The following NMI variants were observed in gnomAD, a reference collection of about 807,000 sequenced individuals.
The protein encoded by NMI is N-myc-interactor.
Under a neutral mutation model 34.3 loss-of-function variants are expected in NMI, and 39 were observed. The observed-to-expected ratio is 1.14, with a 90% CI of 0.88 to 1.49. The LOEUF is 1.49. Among genes scored for constraint, NMI ranks in the 40% most tolerant of loss-of-function variants. NMI has a pLI of 0.00. For missense variants in NMI, 339 were observed against 358.1 expected (o/e 0.95, Z 0.43); for synonymous variants, 113 against 120.3 (o/e 0.94, Z 0.40).
chr2:151,284,185 G>C (rs13400172), intron 1 of NMI, among the ~76,000 whole-genome samples: 2 of 152,050 alleles, frequency 1.3e-5, no homozygotes, highest in Admixed American at 6.6e-5. Context: ...GTGAAACCCC[G>C]TCTCTACTAA....
intron 1 of NMI, among the ~76,000 whole-genome samples, chr2:151,285,108 C>A (rs1683471215): frequency 6.6e-6 from 1 of 152,044 alleles, no homozygotes; most frequent in Non-Finnish European, 1.5e-5. Flanking sequence ...AACACATGCA[C>A]AAACACATAC....
chr2:151,281,040 A>G (rs1410789177), intron 3 of NMI, among the ~76,000 whole-genome samples: 1 of 151,982 alleles, frequency 6.6e-6, no homozygotes, highest in Non-Finnish European at 1.5e-5. Context: ...GGGTTTCACC[A>G]TCTTAGCCAG....
At chr2:151,270,908 T>C in intron 7 of NMI, 33 bp from the exon 8 acceptor site, 1 of 1,518,172 alleles carries the variant, frequency 6.6e-7, no homozygotes, top group Non-Finnish European at 9.1e-7. Flanking sequence ...TAGAAAGATT[T>C]CTAAGAGCTT....
Position 151,275,482 on chromosome 2 carries a change from A to AC in NMI, c.634+1dup, listed in dbSNP as rs1474246641. ...CTGTTAACCTTCTACACCCTTGAGT[A>AC]CCTCCAATCTCCACAAACGTGATGA... On this transcript the variant is annotated splice_donor_variant, in intron 6 of 7. Transcript: ENST00000243346. LOFTEE classifies it high-confidence loss of function. 3 of 1,612,802 alleles carry AC rather than the reference A, an allele frequency of 1.9e-6. No homozygotes were observed. The highest frequency in any genetic ancestry group is 2.5e-6 in the Non-Finnish European group (3 of 1,179,504).
At chr2:151,275,696 A>T in intron 5 of NMI, 26 bp from the exon 6 acceptor site, 3 of 1,611,520 alleles carry the variant, frequency 1.9e-6, no homozygotes, top group Non-Finnish European at 2.5e-6. Context: ...ATGTTCAGAA[A>T]TATGGATGAG....
At position 151,270,660 on chromosome 2, in the gene NMI, T is replaced by A. The variant is rs972859078; in HGVS notation, c.*33A>T. ...GTCAAACATTTACAGTAATCCGGGT[T>A]AAAAAGCTATAGTTTTCATGATTCT... On this transcript the variant is annotated 3_prime_UTR_variant, in exon 8 of 8. Transcript: ENST00000243346. 6 of 1,535,092 alleles carry A rather than the reference T, an allele frequency of 3.9e-6. No individual in the cohort carries two copies. The highest frequency in any genetic ancestry group is 5.3e-6 in the Non-Finnish European group (6 of 1,129,898).
At chr2:151,281,856 G>C (rs1283559370) in intron 3 of NMI, 92 bp downstream of exon 3, 1 of 715,712 alleles carries the variant, frequency 1.4e-6, no homozygotes, top group African/African-American at 1.8e-5. Context: ...TGATGATAAG[G>C]TTTTAAAAAT....
chr2:151,285,108 C>T (rs1683471215), intron 1 of NMI, among the ~76,000 whole-genome samples: 1 of 152,044 alleles, frequency 6.6e-6, no homozygotes, highest in South Asian at 2.1e-4. Flanking sequence ...AACACATGCA[C>T]AAACACATAC....
At chr2:151,274,775 C>T (rs1267485117) in intron 6 of NMI, among the ~76,000 whole-genome samples, 1 of 151,446 alleles carries the variant, frequency 6.6e-6, no homozygotes, top group East Asian at 2.0e-4. Flanking sequence ...CGGGCCCGGC[C>T]GAAATGTCTC....
At chr2:151,277,805 T>C (rs1179773999) in intron 4 of NMI, 1 of 152,194 alleles carries the variant, frequency 6.6e-6, no homozygotes, top group African/African-American at 2.4e-5. Flanking sequence ...GGTTATAGAC[T>C]GTCAGAATAT....
intron 3 of NMI, among the ~76,000 whole-genome samples, chr2:151,281,415 A>G (rs992082636): frequency 6.6e-6 from 1 of 152,176 alleles, no homozygotes; most frequent in African/African-American, 2.4e-5. Flanking sequence ...GTTTTTGTAA[A>G]TTTATTAAAG....
intron 1 of NMI, among the ~76,000 whole-genome samples, chr2:151,284,308 T>G (rs1324525146): frequency 6.6e-6 from 1 of 152,162 alleles, no homozygotes; most frequent in Non-Finnish European, 1.5e-5. Context: ...GCATTTAATT[T>G]TTTTTTTAGA....
At position 151,271,623 on chromosome 2, in the gene NMI, T is replaced by C. The variant is rs757255688; in HGVS notation, c.741+3A>G. ...GAAAATGAGAGAACAGAGATGACTT[T>C]ACCTGATACTTTTTCAAGTGTATTT... On this transcript the variant is annotated splice_donor_region_variant and intron_variant, in intron 7 of 7. Coordinates refer to ENST00000243346, the MANE Select transcript of NMI (RefSeq NM_004688.3). 1.4e-6 allele frequency: 2 copies of C among 1,428,252 alleles called. No homozygotes were observed. Among genetic ancestry groups the C allele is most frequent in the Admixed American group, 1.7e-5 (1 of 58,336 alleles). The allele number at this position is 1,428,252 out of a possible 1,614,324, so 88.5% of individuals were successfully genotyped here.
intron 3 of NMI, among the ~76,000 whole-genome samples, chr2:151,280,628 A>G (rs1027295368): frequency 6.6e-6 from 1 of 152,202 alleles, no homozygotes; most frequent in Non-Finnish European, 1.5e-5. Flanking sequence ...CTCTGATCAC[A>G]GGTTTGGTCC....
Position 151,287,510 on chromosome 2 carries a change from C to G in NMI, c.-7+2083G>C, listed in dbSNP as rs145195664. On this transcript the variant is annotated intron_variant, in intron 1 of 7. Transcript: ENST00000243346. ...ACCACACTGAACACTTGGATAGTTC[C>G]TTTTCTTTCCTCTGTCCCTCAAACT... Among the ~76,000 whole-genome samples, 577 of 152,186 alleles carry G rather than the reference C, an allele frequency of 3.8e-3. 3 individuals carry two copies. Among genetic ancestry groups the G allele is most frequent in the Middle Eastern group, 0.017 (5 of 294 alleles).
chr2:151,281,616 T>C (rs1359023653), intron 3 of NMI, among the ~76,000 whole-genome samples: 1 of 152,198 alleles, frequency 6.6e-6, no homozygotes, highest in Admixed American at 6.5e-5. Flanking sequence ...CATCCTGCTT[T>C]TGCTTAATTT....
In NMI at chr2:151,271,673, T is replaced by C; in HGVS notation, c.694A>G (p.Arg232Gly). The stretch of plus-strand genomic sequence containing the variant: ...TCTGTGTATGGAGAAACAGTAACTC[T>C]ATGGCAGGTTTGATTTATATAAAGA... ...YPLYINQTCH[R>G]VTVSPYTEIH... The change falls in exon 7 of 8, where the codon AGA becomes GGA. Residue 232 changes from arginine to glycine, a missense_variant. By Grantham distance (125) the Arg-to-Gly change is moderately radical. Transcript: ENST00000243346. The C allele has an allele frequency of 1.9e-6, 3 of 1,589,172 alleles. No individual in the cohort carries two copies. The highest frequency in any genetic ancestry group is 2.6e-6 in the Non-Finnish European group (3 of 1,158,870).
At chr2:151,281,707 G>T (rs1407910620) in intron 3 of NMI, among the ~76,000 whole-genome samples, 1 of 152,112 alleles carries the variant, frequency 6.6e-6, no homozygotes, top group Admixed American at 6.5e-5. Context: ...GTTGCTGCAT[G>T]TCATTATGAT....
intron 1 of NMI, among the ~76,000 whole-genome samples, chr2:151,283,759 T>G (rs1432668959): frequency 6.6e-6 from 1 of 152,158 alleles, no homozygotes; most frequent in Non-Finnish European, 1.5e-5. Context: ...TCCATAAACA[T>G]GGATTGGGAA....
Sources: gnomAD v4.1 joint callset for allele counts (sites outside exome capture counted in the v4.1 genomes callset) on GRCh38, gnomAD v4.1.1 for gene constraint, MANE v1.5 for transcripts, NCBI Gene and HGNC (gene_info 2026-07-23, HGNC 2026-07-21) for gene names.